Variants in SNX24 observed in about 807,000 individuals in gnomAD.
SNX24 encodes sorting nexin 24.
Under a neutral mutation model 28.7 loss-of-function variants are expected in SNX24, and 22 were observed. The ratio of observed to expected loss-of-function variants is 0.77; its 90% CI spans 0.55 to 1.10. The LOEUF (loss-of-function observed/expected upper bound fraction) is 1.10, where lower values mean the gene tolerates loss of function less well. Ranked by LOEUF, SNX24 falls within the 50% of genes least tolerant of loss-of-function variation. The pLI is 0.00. For missense variants in SNX24, 221 were observed against 201.1 expected (o/e 1.10, Z -0.60); for synonymous variants, 69 against 71.5 (o/e 0.96, Z 0.18).
intron 3 of SNX24, among the ~76,000 whole-genome samples, chr5:122,984,434 C>G (rs77432093): frequency 2.5e-3 from 375 of 152,198 alleles, no homozygotes; most frequent in Non-Finnish European, 3.1e-3. Flanking sequence ...AGCATTAACC[C>G]CAACTGCACT....
chr5:122,959,153 A>G (rs6859337), intron 3 of SNX24, among the ~76,000 whole-genome samples: 4,297 of 152,190 alleles, frequency 0.028, 76 homozygotes, highest in Middle Eastern at 0.054. Context: ...TTGACTATAG[A>G]TTAAATATCC....
chr5:122,848,461 T>C (rs1206768180), intron 1 of SNX24, among the ~76,000 whole-genome samples: 4 of 150,272 alleles, frequency 2.7e-5, no homozygotes, highest in Admixed American at 2.6e-4. Context: ...CCCAGCACTT[T>C]GGGAGGCCGA....
intron 4 of SNX24, 35 bp from the exon 5 acceptor site, chr5:123,001,370 G>T (rs756582707): frequency 1.1e-5 from 16 of 1,487,000 alleles, no homozygotes; most frequent in African/African-American, 5.5e-5. Flanking sequence ...AACATATGTG[G>T]TTTTTTTGTT....
rs973979251 is a variant in SNX24, at chr5:122,931,438, A to G, written c.61-5296A>G. The stretch of plus-strand genomic sequence containing the variant: ...TTAATACCCTGCTGAGCACCTGACA[A>G]TAGGCACACAAGAAATGGCGCTTTT... On this transcript the variant is annotated intron_variant, in intron 1 of 6. Transcript: ENST00000261369. Among the ~76,000 whole-genome samples, 16 of 152,180 alleles carry G rather than the reference A, an allele frequency of 1.1e-4. 1 individual carries two copies. The highest frequency in any genetic ancestry group is 3.9e-4 in the African/African-American group (16 of 41,448).
At chr5:122,931,576 C>A (rs1283611072) in intron 1 of SNX24, among the ~76,000 whole-genome samples, 2 of 151,978 alleles carry the variant, frequency 1.3e-5, no homozygotes, top group African/African-American at 4.8e-5. Flanking sequence ...TTTGGTGCAT[C>A]TTGTTCTAAT....
At chr5:122,860,265 A>G (rs752334378) in intron 1 of SNX24, among the ~76,000 whole-genome samples, 14 of 152,220 alleles carry the variant, frequency 9.2e-5, no homozygotes, top group South Asian at 2.1e-4. Flanking sequence ...ACAGGGTTAA[A>G]TAAAACCCAT....
At chr5:122,894,595 A>G (rs1757121286) in intron 1 of SNX24, among the ~76,000 whole-genome samples, 1 of 152,170 alleles carries the variant, frequency 6.6e-6, no homozygotes, top group South Asian at 2.1e-4. Flanking sequence ...CTTATAAATA[A>G]TGCTTTCTCT....
chr5:122,891,510 A>T (rs553573434), intron 1 of SNX24, among the ~76,000 whole-genome samples: 69 of 152,156 alleles, frequency 4.5e-4, no homozygotes, highest in African/African-American at 1.5e-3. Context: ...GTGATGATGT[A>T]TTCATTTTTT....
intron 5 of SNX24, among the ~76,000 whole-genome samples, chr5:123,016,295 G>A (rs978004202): frequency 6.6e-6 from 1 of 152,170 alleles, no homozygotes; most frequent in Non-Finnish European, 1.5e-5. Context: ...TTGAAGTTGA[G>A]ACCTAAAGAA....
At chr5:122,891,603 C>T (rs1350281106) in intron 1 of SNX24, among the ~76,000 whole-genome samples, 1 of 152,012 alleles carries the variant, frequency 6.6e-6, no homozygotes, top group African/African-American at 2.4e-5. Flanking sequence ...TCCACACTTC[C>T]TGCTCTTTAA....
intron 1 of SNX24, among the ~76,000 whole-genome samples, chr5:122,928,574 A>C (rs577848072): frequency 2.4e-4 from 37 of 152,052 alleles, no homozygotes; most frequent in Non-Finnish European, 3.4e-4. Flanking sequence ...TCATGATTCC[A>C]GGAATGTAGG....
intron 5 of SNX24, among the ~76,000 whole-genome samples, chr5:123,018,571 C>T (rs948736498): frequency 3.9e-5 from 6 of 152,162 alleles, no homozygotes; most frequent in Admixed American, 6.5e-5. Context: ...TACCTGAAAA[C>T]GTACCTGACT....
chr5:122,861,289 G>C (rs998291837), intron 1 of SNX24, among the ~76,000 whole-genome samples: 15 of 152,164 alleles, frequency 9.9e-5, no homozygotes, highest in Non-Finnish European at 2.1e-4. Context: ...GCAGTGAGCC[G>C]AGATCCTGCC....
At chr5:122,920,816 C>T (rs1373239716) in intron 1 of SNX24, among the ~76,000 whole-genome samples, 2 of 152,164 alleles carry the variant, frequency 1.3e-5, no homozygotes. Context: ...TATACATGTT[C>T]AATGCAGAAA....
intron 5 of SNX24, chr5:123,028,729 A>G (rs764483570): frequency 6.7e-7 from 1 of 1,488,876 alleles, no homozygotes. Context: ...GCTTAACCTT[A>G]GATTTCGGTT....
intron 3 of SNX24, among the ~76,000 whole-genome samples, chr5:122,974,404 A>G (rs1349244257): frequency 6.6e-6 from 1 of 152,244 alleles, no homozygotes; most frequent in Non-Finnish European, 1.5e-5. Context: ...CAAGATTATG[A>G]CACAAAATCG....
intron 3 of SNX24, among the ~76,000 whole-genome samples, chr5:122,973,945 C>T (rs751680663): frequency 6.6e-6 from 1 of 152,216 alleles, no homozygotes; most frequent in Non-Finnish European, 1.5e-5. Flanking sequence ...TCTGCTGGGT[C>T]ATATGGCTCA....
At chr5:122,961,258 G>C (rs1240846266) in intron 3 of SNX24, among the ~76,000 whole-genome samples, 7 of 152,178 alleles carry the variant, frequency 4.6e-5, no homozygotes, top group Non-Finnish European at 1.0e-4. Flanking sequence ...GTTCTTAGAA[G>C]TTTTAGATTA....
intron 3 of SNX24, among the ~76,000 whole-genome samples, chr5:122,946,419 A>C (rs1344147128): frequency 2.0e-5 from 3 of 152,154 alleles, no homozygotes; most frequent in African/African-American, 7.2e-5. Flanking sequence ...TCTGTTTTTT[A>C]ATTCAACTCT....
Sources: gnomAD v4.1 joint callset for allele counts (sites outside exome capture counted in the v4.1 genomes callset) on GRCh38, gnomAD v4.1.1 for gene constraint, MANE v1.5 for transcripts, NCBI Gene and HGNC (gene_info 2026-07-23, HGNC 2026-07-21) for gene names.